The following TOX variants were observed in gnomAD, a reference collection of about 807,000 sequenced individuals.
The protein encoded by TOX is thymocyte selection associated high mobility group box, also known as thymocyte selection-associated high mobility group box protein TOX.
Under a neutral mutation model 53.7 loss-of-function variants are expected in TOX, and 11 were observed. That is an observed-to-expected ratio of 0.20 (90% CI 0.13 to 0.34). The LOEUF is 0.34. Among genes scored for constraint, TOX ranks in the 10% least tolerant of loss-of-function variants. The pLI, the probability that TOX is intolerant of heterozygous loss-of-function variation, is 1.00. For synonymous variants in TOX, 225 were observed against 245.3 expected (o/e 0.92, Z 0.77); for missense variants, 570 against 664.6 (o/e 0.86, Z 1.56).
At chr8:58,982,155 T>C (rs2129416836) in intron 1 of TOX, among the ~76,000 whole-genome samples, 1 of 152,200 alleles carries the variant, frequency 6.6e-6, no homozygotes, top group South Asian at 2.1e-4. Context: ...TGTCTTCTCC[T>C]CTCCTTATAC....
At chr8:59,054,392 G>A (rs1803847693) in intron 1 of TOX, among the ~76,000 whole-genome samples, 1 of 152,218 alleles carries the variant, frequency 6.6e-6, no homozygotes, top group East Asian at 1.9e-4. Context: ...ATTCCCAAAT[G>A]TCCGAGATCA....
At chr8:58,950,653 G>A (rs1310493626) in intron 2 of TOX, among the ~76,000 whole-genome samples, 1 of 152,202 alleles carries the variant, frequency 6.6e-6, no homozygotes, top group East Asian at 1.9e-4. Flanking sequence ...AACCCTCGAT[G>A]TTCAGTTCCC....
chr8:58,820,254 C>T (rs540561222), intron 6 of TOX, among the ~76,000 whole-genome samples: 8 of 149,546 alleles, frequency 5.3e-5, no homozygotes, highest in African/African-American at 2.0e-4. Flanking sequence ...TGACTTAATT[C>T]AATATTGTCC....
chr8:58,940,865 A>G (rs1812426125), intron 2 of TOX, among the ~76,000 whole-genome samples: 1 of 152,202 alleles, frequency 6.6e-6, no homozygotes, highest in South Asian at 2.1e-4. Context: ...TAAATGTTGT[A>G]CAAGTTTTGA....
chr8:58,975,798 G>T (rs1343549742), intron 1 of TOX, among the ~76,000 whole-genome samples: 4 of 152,106 alleles, frequency 2.6e-5, no homozygotes, highest in Non-Finnish European at 5.9e-5. Flanking sequence ...AATAGGCCAG[G>T]CGCAGTGGCT....
At chr8:58,971,607 T>C (rs1813004458) in intron 1 of TOX, among the ~76,000 whole-genome samples, 1 of 152,164 alleles carries the variant, frequency 6.6e-6, no homozygotes, top group African/African-American at 2.4e-5. Flanking sequence ...AGGCGGGAAG[T>C]AGTGGAAAGA....
chr8:58,808,147 C>T lies in TOX; in HGVS notation c.1515G>A (p.Val505=), dbSNP rs958157502. Residue 505 remains valine (V), a synonymous_variant, in exon 8 of 9, where the codon GTG becomes GTA. Coordinates refer to ENST00000361421, the MANE Select transcript of TOX (RefSeq NM_014729.3). ...SGCRNPPPQP[V]DWNNDYCSSG... ...TACTGCAGTAGTCGTTATTCCAGTC[C>T]ACCGGTTGTGGGGGAGGATTTCTGC... The T allele has an allele frequency of 6.2e-7, 1 of 1,613,686 alleles. No individual in the cohort carries two copies. The highest frequency in any genetic ancestry group is 1.7e-5 in the Admixed American group (1 of 59,942).
chr8:58,852,330 A>G (rs2129168291), intron 3 of TOX, among the ~76,000 whole-genome samples: 1 of 152,306 alleles, frequency 6.6e-6, no homozygotes, highest in Admixed American at 6.5e-5. Context: ...TTTACAGGGT[A>G]TTACTAGCCA....
intron 3 of TOX, among the ~76,000 whole-genome samples, chr8:58,913,505 C>G (rs577031892): frequency 6.6e-6 from 1 of 152,160 alleles, no homozygotes; most frequent in Non-Finnish European, 1.5e-5. Context: ...AGAATGTGCT[C>G]TTGATGAATG....
Position 58,858,109 on chromosome 8 carries a change from C to G in TOX, c.412-6304G>C, listed in dbSNP as rs145840852. Among the ~76,000 whole-genome samples the G allele has an allele frequency of 6.6e-3, 1,009 of 152,090 alleles. 15 individuals carry two copies. The highest frequency in any genetic ancestry group is 0.023 in the African/African-American group (955 of 41,474). On this transcript the variant is annotated intron_variant, in intron 3 of 8. Coordinates refer to ENST00000361421, the MANE Select transcript of TOX (RefSeq NM_014729.3). ...TGAAAAGCAAAAGAAAAATAAAAAC[C>G]CTGTGCTCATCTCAGGTTATTATTT...
intron 1 of TOX, among the ~76,000 whole-genome samples, chr8:59,046,605 C>G (rs994673836): frequency 1.3e-5 from 2 of 152,038 alleles, no homozygotes; most frequent in African/African-American, 2.4e-5. Flanking sequence ...TGCCTATAAT[C>G]CCAGCACTTT....
At chr8:59,016,710 C>T (rs1056204052) in intron 1 of TOX, among the ~76,000 whole-genome samples, 1 of 152,148 alleles carries the variant, frequency 6.6e-6, no homozygotes, top group African/African-American at 2.4e-5. Context: ...TGTCACAAGG[C>T]ATGTATTATA....
chr8:59,111,714 A>G (rs1805019546), intron 1 of TOX, among the ~76,000 whole-genome samples: 1 of 152,206 alleles, frequency 6.6e-6, no homozygotes, highest in African/African-American at 2.4e-5. Flanking sequence ...ACTACTGTGG[A>G]TCAGACAAAT....
chr8:59,052,219 A>G (rs924091631), intron 1 of TOX, among the ~76,000 whole-genome samples: 5 of 152,198 alleles, frequency 3.3e-5, no homozygotes, highest in Admixed American at 2.0e-4. Context: ...ACATTATTTT[A>G]TATGTTTAAA....
intron 6 of TOX, among the ~76,000 whole-genome samples, chr8:58,821,422 T>C (rs977376117): frequency 1.3e-5 from 2 of 152,184 alleles, no homozygotes; most frequent in African/African-American, 4.8e-5. Flanking sequence ...AATTTTTGAA[T>C]TTTAAAAATT....
chr8:58,967,900 C>G (rs1400639834), intron 1 of TOX, among the ~76,000 whole-genome samples: 3 of 152,148 alleles, frequency 2.0e-5, no homozygotes, highest in Non-Finnish European at 4.4e-5. Context: ...CCAATGGTAC[C>G]AGTTAGTAAG....
At chr8:58,869,564 C>T (rs1442135185) in intron 3 of TOX, among the ~76,000 whole-genome samples, 2 of 151,932 alleles carry the variant, frequency 1.3e-5, no homozygotes, top group East Asian at 3.9e-4. Flanking sequence ...ATATTAAAAC[C>T]AGACCAAAAC....
At position 58,808,122 on chromosome 8, in the gene TOX, T is replaced by C; in HGVS notation, c.1540A>G (p.Ser514Gly). The change falls in exon 8 of 9, where the codon AGT (serine) becomes GGT (glycine). Residue 514 changes from serine to glycine, a missense_variant. Coordinates refer to ENST00000361421, the MANE Select transcript of TOX (RefSeq NM_014729.3). ...PVDWNNDYCS[S>G]GGMQRDKALY... ...TGGCGATGACCGGCCGCTTACCCACTACTGCAGTAGTCGTTATTCCAGTCC... is the reference window on the plus strand; with the variant it reads ...TGGCGATGACCGGCCGCTTACCCACCACTGCAGTAGTCGTTATTCCAGTCC... The C allele has an allele frequency of 2.5e-6, 4 of 1,612,476 alleles. No homozygotes were observed. The highest frequency in any genetic ancestry group is 3.4e-6 in the Non-Finnish European group (4 of 1,179,268).
At chr8:58,826,107 G>A (rs948984648) in intron 6 of TOX, among the ~76,000 whole-genome samples, 2 of 152,088 alleles carry the variant, frequency 1.3e-5, no homozygotes, top group Non-Finnish European at 2.9e-5. Context: ...GGATATTTGT[G>A]AATGAGAAAA....
Sources: gnomAD v4.1 joint callset for allele counts (sites outside exome capture counted in the v4.1 genomes callset) on GRCh38, gnomAD v4.1.1 for gene constraint, MANE v1.5 for transcripts, NCBI Gene and HGNC (gene_info 2026-07-23, HGNC 2026-07-21) for gene names.